TBC1D5: variants seen among roughly 807,000 people sequenced by gnomAD.
TBC1D5 encodes the protein TBC1 domain family member 5, also known as TBC1 domain family, member 5.
Under a neutral mutation model 100.3 loss-of-function variants are expected in TBC1D5, and 75 were observed. That is an observed-to-expected ratio of 0.75 (90% CI 0.62 to 0.91). TBC1D5 has a LOEUF of 0.91. Ranked by LOEUF, TBC1D5 falls within the 40% of genes least tolerant of loss-of-function variation. The probability of loss-of-function intolerance (pLI) is 0.00; values close to 1 mark genes in which losing one functional copy is unlikely to be tolerated. For missense variants in TBC1D5, 910 were observed against 942.4 expected (o/e 0.97, Z 0.45); for synonymous variants, 323 against 325.6 (o/e 0.99, Z 0.09).
At position 17,663,295 on chromosome 3, in the gene TBC1D5, CCAAA is replaced by C. The variant is rs1338919860; in HGVS notation, c.-100-39386_-100-39383del. ...TATATGACCCAAAAATAAAACAAAT[CCAAA>C]CAAATAAAACCAAATTCCTCAACTC... On this transcript the variant is annotated intron_variant, in intron 1 of 21. Transcript: ENST00000253692. Among the ~76,000 whole-genome samples, 4 of 150,326 alleles carry C rather than the reference CCAAA, an allele frequency of 2.7e-5. No individual in the cohort carries two copies. The South Asian group carries it at 8.3e-4, about 31-fold the overall frequency.
intron 1 of TBC1D5, among the ~76,000 whole-genome samples, chr3:17,634,313 G>A (rs1023574611): frequency 6.6e-6 from 1 of 152,140 alleles, no homozygotes; most frequent in Non-Finnish European, 1.5e-5. Context: ...CCAAGATTTA[G>A]AAGTAACCTA....
Position 17,456,493 on chromosome 3 carries a change from T to C in TBC1D5, c.98-27974A>G, listed in dbSNP as rs530603999. The stretch of plus-strand genomic sequence containing the variant: ...TCTGATTACAATATGGGTGAAAGAT[T>C]TGAATAGACATTTCTCAAAAGAAGA... On this transcript the variant is annotated intron_variant, in intron 3 of 21. Transcript: ENST00000253692. 1.4e-4 allele frequency among the ~76,000 whole-genome samples: 22 copies of C among 152,304 alleles called. No individual in the cohort carries two copies. The South Asian group carries it at 4.1e-3, about 29-fold the overall frequency.
intron 4 of TBC1D5, among the ~76,000 whole-genome samples, chr3:17,409,745 T>A (rs750471921): frequency 3.9e-5 from 6 of 152,104 alleles, no homozygotes; most frequent in African/African-American, 1.2e-4. Context: ...CAAAACCTAA[T>A]CCAGAGCAAA....
chr3:17,437,960 G>T (rs1376651262), intron 3 of TBC1D5, among the ~76,000 whole-genome samples: 1 of 152,102 alleles, frequency 6.6e-6, no homozygotes, highest in Admixed American at 6.5e-5. Flanking sequence ...CACAAACTAT[G>T]ATCTCATTTT....
At chr3:17,549,547 T>C (rs538093656) in intron 2 of TBC1D5, among the ~76,000 whole-genome samples, 10 of 152,322 alleles carry the variant, frequency 6.6e-5, no homozygotes, top group Middle Eastern at 3.4e-3. Flanking sequence ...TTTAGTATGA[T>C]TTTTATTAAA....
intron 9 of TBC1D5, 113 bp downstream of exon 9, chr3:17,383,800 G>C: frequency 1.3e-6 from 1 of 747,418 alleles, no homozygotes; most frequent in Non-Finnish European, 2.1e-6. Context: ...GATTGCTTTA[G>C]CATTATGATA....
At chr3:17,514,438 A>G (rs1230776618) in intron 2 of TBC1D5, among the ~76,000 whole-genome samples, 1 of 152,200 alleles carries the variant, frequency 6.6e-6, no homozygotes, top group Non-Finnish European at 1.5e-5. Context: ...GTTGTCTAAC[A>G]AACAGGTATA....
intron 19 of TBC1D5, among the ~76,000 whole-genome samples, chr3:17,181,301 A>G (rs970140838): frequency 1.3e-5 from 2 of 152,184 alleles, no homozygotes; most frequent in Non-Finnish European, 2.9e-5. Flanking sequence ...CCAGTTGTAG[A>G]CTCTGGACAA....
chr3:17,335,555 C>A (rs2087595739), intron 13 of TBC1D5, among the ~76,000 whole-genome samples: 1 of 152,108 alleles, frequency 6.6e-6, no homozygotes, highest in South Asian at 2.1e-4. Context: ...AATTGCTTTA[C>A]TTTTTATCCA....
intron 3 of TBC1D5, among the ~76,000 whole-genome samples, chr3:17,460,249 C>T (rs78051614): frequency 0.091 from 13,875 of 152,214 alleles, 1,435 homozygotes; most frequent in African/African-American, 0.26. Flanking sequence ...GAATTCACAG[C>T]TTCAGAAGAG....
chr3:17,340,889 GGT>G, intron 13 of TBC1D5, among the ~76,000 whole-genome samples: 1 of 152,092 alleles, frequency 6.6e-6, no homozygotes, highest in East Asian at 1.9e-4. Flanking sequence ...CCATGTCTCT[GGT>G]ACTTTCTTAG....
rs1407865768 is a variant in TBC1D5, at chr3:17,404,877, C to A, written c.361G>T (p.Glu121Ter). Residue 121 changes from glutamate to a stop codon, truncating the protein, a stop_gained, in exon 6 of 22, where the codon GAA becomes TAA. Coordinates refer to ENST00000253692, the Ensembl canonical transcript of TBC1D5. LOFTEE classifies it high-confidence loss of function. ...TAAATATACTATTTACTTACTATTT[C>A]TTTAATGTTGCTATACCATGCTCTT... is the stretch of plus-strand genomic sequence containing the variant. The A allele has an allele frequency of 1.3e-6, 2 of 1,580,824 alleles. No individual in the cohort carries two copies. Among genetic ancestry groups the A allele is most frequent in the Non-Finnish European group, 8.6e-7 (1 of 1,160,812 alleles).
intron 17 of TBC1D5, among the ~76,000 whole-genome samples, chr3:17,225,761 T>C (rs779312963): frequency 1.3e-5 from 2 of 152,036 alleles, no homozygotes; most frequent in African/African-American, 2.4e-5. Flanking sequence ...GGACAATTAC[T>C]TGAGCCCAGG....
intron 16 of TBC1D5, among the ~76,000 whole-genome samples, chr3:17,242,477 A>T (rs1012715930): frequency 6.6e-6 from 1 of 151,924 alleles, no homozygotes; most frequent in Admixed American, 6.6e-5. Flanking sequence ...ATTTATATAT[A>T]TTTTTGTTAT....
intron 19 of TBC1D5, among the ~76,000 whole-genome samples, chr3:17,177,813 C>T (rs77139475): frequency 0.024 from 3,604 of 152,056 alleles, 137 homozygotes; most frequent in African/African-American, 0.08. Flanking sequence ...TATTTTGATA[C>T]GGGCATGTAA....
intron 1 of TBC1D5, among the ~76,000 whole-genome samples, chr3:17,709,325 T>C (rs921406039): frequency 1.3e-5 from 2 of 152,172 alleles, no homozygotes; most frequent in African/African-American, 4.8e-5. Context: ...TCTCTATCTA[T>C]AAAACAATTT....
intron 17 of TBC1D5, among the ~76,000 whole-genome samples, chr3:17,225,522 C>A (rs1237723471): frequency 6.6e-6 from 1 of 151,562 alleles, no homozygotes; most frequent in East Asian, 1.9e-4. Context: ...GTATAACAGG[C>A]TGGGTGCAGT....
At chr3:17,386,905 G>T (rs1029844315) in intron 8 of TBC1D5, among the ~76,000 whole-genome samples, 2 of 152,064 alleles carry the variant, frequency 1.3e-5, no homozygotes, top group Non-Finnish European at 2.9e-5. Context: ...AGATCTAAAA[G>T]AATTCAATTG....
intron 2 of TBC1D5, among the ~76,000 whole-genome samples, chr3:17,620,607 C>T (rs1175814362): frequency 6.6e-6 from 1 of 152,142 alleles, no homozygotes; most frequent in Admixed American, 6.5e-5. Context: ...ACATAAATAT[C>T]TCTGCGTTAT....
Sources: gnomAD v4.1 joint callset for allele counts (sites outside exome capture counted in the v4.1 genomes callset) on GRCh38, gnomAD v4.1.1 for gene constraint, MANE v1.5 for transcripts, NCBI Gene and HGNC (gene_info 2026-07-23, HGNC 2026-07-21) for gene names.